Variants in DSCAM observed in about 807,000 individuals in gnomAD.
DSCAM encodes the protein DS cell adhesion molecule.
A neutral mutation model predicts 217.7 loss-of-function variants in DSCAM; 47 were observed. The ratio of observed to expected loss-of-function variants is 0.22; its 90% CI spans 0.17 to 0.28. DSCAM has a LOEUF of 0.28. DSCAM is among the 10% of genes least tolerant of loss of function. DSCAM has a pLI of 1.00. For synonymous variants in DSCAM, 1,056 were observed against 1,015.3 expected, an observed-to-expected ratio of 1.04 and a Z score of -0.76; for missense variants, 2,080 against 2,618.3, an observed-to-expected ratio of 0.79 and a Z score of 4.49.
intron 3 of DSCAM, among the ~76,000 whole-genome samples, chr21:40,566,826 T>C (rs1023405382): frequency 2.6e-5 from 4 of 152,142 alleles, no homozygotes; most frequent in Admixed American, 6.5e-5. Context: ...TGAACAAATA[T>C]GTGTTGCACC....
At chr21:40,254,280 G>C (rs1176159353) in intron 11 of DSCAM, among the ~76,000 whole-genome samples, 1 of 152,056 alleles carries the variant, frequency 6.6e-6, no homozygotes, top group Non-Finnish European at 1.5e-5. Flanking sequence ...TGAATGAAAA[G>C]ACCAAACACT....
intron 3 of DSCAM, among the ~76,000 whole-genome samples, chr21:40,509,537 GTACAGTACTTTCACCCCACTGGCAAA>G (rs2076241700): frequency 6.6e-6 from 1 of 152,170 alleles, no homozygotes; most frequent in South Asian, 2.1e-4. Flanking sequence ...CAAAAGGCCT[GTACAGTACTTTCACCCCACTGGCAAA>G]TGCCAATATG....
chr21:40,012,934 ATTTTC>A lies in DSCAM; in HGVS notation c.*95_*99del, dbSNP rs1419226290. The A allele has an allele frequency of 9.7e-6, 9 of 923,896 alleles. No homozygotes were observed. The highest frequency in any genetic ancestry group is 3.7e-4 in the Middle Eastern group (1 of 2,694). The allele number at this position is 923,896 out of a possible 1,614,324, so 57.2% of individuals were successfully genotyped here. A position where few individuals can be genotyped will look rare whatever the true frequency, so the allele number is the denominator to read the frequency against. On this transcript the variant is annotated 3_prime_UTR_variant, in exon 33 of 33. Transcript: ENST00000400454. Reference sequence around the variant, plus strand: ...TTTTTTTTTTTAATATATTTTGGCAATTTTCTTTAATTATAAATATTGGAATTCCG... The same window carrying A: ...TTTTTTTTTTTAATATATTTTGGCAATTTAATTATAAATATTGGAATTCCG...
chr21:40,315,263 G>A (rs772546296), intron 8 of DSCAM, among the ~76,000 whole-genome samples: 2 of 151,942 alleles, frequency 1.3e-5, no homozygotes, highest in East Asian at 1.9e-4. Context: ...AATTAGCCAG[G>A]CATGGTGGCG....
chr21:40,613,578 C>G (rs978913374), intron 3 of DSCAM, among the ~76,000 whole-genome samples: 6 of 151,988 alleles, frequency 3.9e-5, no homozygotes, highest in African/African-American at 1.5e-4. Flanking sequence ...AATTAATTGC[C>G]ACTGCATTAA....
chr21:40,366,491 A>G (rs1484714049), intron 4 of DSCAM, among the ~76,000 whole-genome samples: 2 of 151,938 alleles, frequency 1.3e-5, no homozygotes, highest in Non-Finnish European at 2.9e-5. Context: ...GTGTTGTTTC[A>G]TCATTTTATT....
chr21:40,196,173 A>C (rs2091005659), intron 11 of DSCAM, among the ~76,000 whole-genome samples: 1 of 152,162 alleles, frequency 6.6e-6, no homozygotes, highest in African/African-American at 2.4e-5. Context: ...ATGTGGGGTT[A>C]GGTGGTGCCT....
At chr21:40,559,756 G>A (rs1472147168) in intron 3 of DSCAM, among the ~76,000 whole-genome samples, 1 of 150,604 alleles carries the variant, frequency 6.6e-6, no homozygotes, top group Non-Finnish European at 1.5e-5. Flanking sequence ...TCTCTGTAAC[G>A]GCTGTTTTGA....
chr21:40,782,007 A>AAAG (rs1555888316), intron 1 of DSCAM, among the ~76,000 whole-genome samples: 33 of 149,784 alleles, frequency 2.2e-4, no homozygotes, highest in Non-Finnish European at 3.7e-4. Context: ...AAAAAAAAAA[A>AAAG]AAAGAAAAAA....
intron 11 of DSCAM, among the ~76,000 whole-genome samples, chr21:40,269,951 T>A (rs565360926): frequency 2.8e-4 from 43 of 152,280 alleles, no homozygotes; most frequent in African/African-American, 9.9e-4. Context: ...CGGGAAATAA[T>A]TCAATTTTTA....
At chr21:40,730,422 T>A (rs187377840) in intron 1 of DSCAM, among the ~76,000 whole-genome samples, 1 of 152,200 alleles carries the variant, frequency 6.6e-6, no homozygotes, top group East Asian at 1.9e-4. Flanking sequence ...AAGTTATTAC[T>A]GGAATGTTTT....
chr21:40,372,097 T>G (rs533835186), intron 3 of DSCAM, among the ~76,000 whole-genome samples: 1 of 152,304 alleles, frequency 6.6e-6, no homozygotes, highest in South Asian at 2.1e-4. Context: ...TGTGGAACTA[T>G]CAAGGGACAA....
At chr21:40,741,296 AC>A (rs2091120939) in intron 1 of DSCAM, among the ~76,000 whole-genome samples, 1 of 152,254 alleles carries the variant, frequency 6.6e-6, no homozygotes, top group Admixed American at 6.5e-5. Flanking sequence ...CAGAAGGGAT[AC>A]AATTATATAT....
intron 9 of DSCAM, among the ~76,000 whole-genome samples, chr21:40,298,841 T>C (rs2073984038): frequency 2.6e-5 from 4 of 152,156 alleles, no homozygotes; most frequent in Non-Finnish European, 5.9e-5. Flanking sequence ...AATTGATCCA[T>C]TACTCCTCCC....
chr21:40,417,532 T>C (rs1267727440), intron 3 of DSCAM, among the ~76,000 whole-genome samples: 1 of 147,540 alleles, frequency 6.8e-6, no homozygotes, highest in African/African-American at 2.5e-5. Context: ...TAATGTGTAA[T>C]ATTGCATTTG....
At chr21:40,104,123 T>C (rs2089788121) in intron 20 of DSCAM, among the ~76,000 whole-genome samples, 1 of 152,162 alleles carries the variant, frequency 6.6e-6, no homozygotes, top group South Asian at 2.1e-4. Flanking sequence ...CTCCCTTTGC[T>C]ACAATTTTTC....
intron 11 of DSCAM, among the ~76,000 whole-genome samples, chr21:40,255,455 G>A (rs540181867): frequency 1.3e-5 from 2 of 152,202 alleles, no homozygotes; most frequent in African/African-American, 2.4e-5. Flanking sequence ...AGACCTCCCC[G>A]GCCTAATCTA....
At chr21:40,524,183 A>C (rs7275393) in intron 3 of DSCAM, among the ~76,000 whole-genome samples, 7,717 of 152,252 alleles carry the variant, frequency 0.051, 540 homozygotes, top group African/African-American at 0.15. Context: ...TTAGATCATG[A>C]GCAACTTAAA....
chr21:40,589,684 C>T (rs1416914885), intron 3 of DSCAM, among the ~76,000 whole-genome samples: 1 of 152,164 alleles, frequency 6.6e-6, no homozygotes, highest in Non-Finnish European at 1.5e-5. Flanking sequence ...AGAAGCTTGG[C>T]ATTTTTGAAA....
Sources: gnomAD v4.1 joint callset for allele counts (sites outside exome capture counted in the v4.1 genomes callset) on GRCh38, gnomAD v4.1.1 for gene constraint, MANE v1.5 for transcripts, NCBI Gene and HGNC (gene_info 2026-07-23, HGNC 2026-07-21) for gene names.